The following IMMP2L variants were observed in gnomAD, a reference collection of about 807,000 sequenced individuals.
The protein encoded by IMMP2L is mitochondrial inner membrane protease subunit 2.
A neutral mutation model predicts 19.3 loss-of-function variants in IMMP2L; 18 were observed. The ratio of observed to expected loss-of-function variants is 0.93; its 90% CI spans 0.64 to 1.38. IMMP2L has a LOEUF of 1.38. Among genes scored for constraint, IMMP2L ranks in the 40% most tolerant of loss-of-function variants. IMMP2L has a pLI of 0.00. For synonymous variants in IMMP2L, 76 were observed against 73.0 expected, an observed-to-expected ratio of 1.04 and a Z score of -0.21; for missense variants, 233 against 218.2, an observed-to-expected ratio of 1.07 and a Z score of -0.43.
At chr7:111,531,338 T>C (rs1014980799) in intron 1 of IMMP2L, among the ~76,000 whole-genome samples, 1 of 151,980 alleles carries the variant, frequency 6.6e-6, no homozygotes, top group African/African-American at 2.4e-5. Context: ...TCCAGTATTT[T>C]TGGAAACCAT....
At chr7:110,705,586 A>G (rs1480750777) in intron 5 of IMMP2L, among the ~76,000 whole-genome samples, 2 of 152,002 alleles carry the variant, frequency 1.3e-5, no homozygotes, top group African/African-American at 4.8e-5. Context: ...AATAATTTCA[A>G]CTTTTATTTT....
intron 3 of IMMP2L, among the ~76,000 whole-genome samples, chr7:111,045,377 T>G (rs2129571710): frequency 6.6e-6 from 1 of 152,352 alleles, no homozygotes; most frequent in Admixed American, 6.5e-5. Flanking sequence ...ATCTGGATTC[T>G]TCCAAAAGCC....
chr7:111,131,148 G>GA (rs907512984), intron 3 of IMMP2L, among the ~76,000 whole-genome samples: 6 of 146,270 alleles, frequency 4.1e-5, no homozygotes, highest in Non-Finnish European at 6.0e-5. Context: ...TTTAAAAGTA[G>GA]AAAAAAAAAG....
intron 3 of IMMP2L, among the ~76,000 whole-genome samples, chr7:111,289,646 C>T (rs1043462129): frequency 3.3e-5 from 5 of 152,020 alleles, no homozygotes; most frequent in Non-Finnish European, 7.4e-5. Context: ...GAGATCCAAG[C>T]TATTTTGTAG....
At position 110,697,989 on chromosome 7, in the gene IMMP2L, A is replaced by G. The variant is rs188913325; in HGVS notation, c.409-34268T>C. Among the ~76,000 whole-genome samples the G allele has an allele frequency of 4.4e-3, 673 of 152,318 alleles. 4 individuals carry two copies. Among genetic ancestry groups the G allele is most frequent in the African/African-American group, 0.016 (649 of 41,574 alleles). On this transcript the variant is annotated intron_variant, in intron 5 of 5. Transcript: ENST00000405709. ...TTGCTAAAATACTATGGTTAAATATACATGTCACTAAATGCTAATATCTGT... is the reference window on the plus strand; with the variant it reads ...TTGCTAAAATACTATGGTTAAATATGCATGTCACTAAATGCTAATATCTGT...
intron 3 of IMMP2L, among the ~76,000 whole-genome samples, chr7:111,371,627 A>C (rs146465973): frequency 2.0e-5 from 3 of 152,190 alleles, no homozygotes; most frequent in East Asian, 3.9e-4. Flanking sequence ...ATCACCATAG[A>C]GACTGTATGT....
intron 5 of IMMP2L, among the ~76,000 whole-genome samples, chr7:110,801,607 T>G (rs1487250635): frequency 6.6e-6 from 1 of 152,036 alleles, no homozygotes; most frequent in Non-Finnish European, 1.5e-5. Context: ...AATTGATAGG[T>G]TTAAGAATGT....
chr7:111,176,037 T>C (rs1260241786), intron 3 of IMMP2L, among the ~76,000 whole-genome samples: 1 of 151,914 alleles, frequency 6.6e-6, no homozygotes, highest in Admixed American at 6.6e-5. Flanking sequence ...ACATCACTGA[T>C]CAACAGAGAA....
chr7:111,519,826 T>C (rs1846181437), intron 2 of IMMP2L, among the ~76,000 whole-genome samples: 1 of 152,048 alleles, frequency 6.6e-6, no homozygotes, highest in Non-Finnish European at 1.5e-5. Context: ...AAGTCCTTCT[T>C]AGAATAGTGA....
intron 1 of IMMP2L, among the ~76,000 whole-genome samples, chr7:111,560,509 T>C (rs1791914288): frequency 6.6e-6 from 1 of 152,170 alleles, no homozygotes; most frequent in Admixed American, 6.5e-5. Context: ...AGGAAACAAA[T>C]CATCAAGGTC....
At chr7:111,079,040 C>G (rs1017440455) in intron 3 of IMMP2L, among the ~76,000 whole-genome samples, 6 of 151,884 alleles carry the variant, frequency 4.0e-5, no homozygotes, top group Non-Finnish European at 8.8e-5. Context: ...TTTTAAAAGC[C>G]AACATTAATT....
intron 4 of IMMP2L, among the ~76,000 whole-genome samples, chr7:110,953,650 G>A (rs942055124): frequency 1.3e-5 from 2 of 152,206 alleles, no homozygotes; most frequent in Admixed American, 1.3e-4. Flanking sequence ...TGTCTTTACA[G>A]TAGAATGATC....
At chr7:111,532,179 C>A (rs1013478252) in intron 1 of IMMP2L, among the ~76,000 whole-genome samples, 3 of 152,042 alleles carry the variant, frequency 2.0e-5, no homozygotes, top group Non-Finnish European at 4.4e-5. Context: ...CACTAGAAAC[C>A]ATGTGACAGC....
At chr7:111,391,166 G>C (rs1447337583) in intron 3 of IMMP2L, among the ~76,000 whole-genome samples, 2 of 152,046 alleles carry the variant, frequency 1.3e-5, no homozygotes. Context: ...AAGGACTAAA[G>C]AATCTCTAGG....
Position 111,104,862 on chromosome 7 carries a change from A to G in IMMP2L, c.240-141297T>C, listed in dbSNP as rs575347708. Among the ~76,000 whole-genome samples the G allele has an allele frequency of 7.9e-5, 12 of 151,882 alleles. No individual in the cohort carries two copies. The South Asian group carries it at 2.5e-3, about 31-fold the overall frequency. ...AGAACGAGAGGGTCATGGCTTCTAGAACAGTGGGGAAGACAGAAAAAGAAA... is the reference window on the plus strand; with the variant it reads ...AGAACGAGAGGGTCATGGCTTCTAGGACAGTGGGGAAGACAGAAAAAGAAA... On this transcript the variant is annotated intron_variant, in intron 3 of 5. Coordinates refer to ENST00000405709, the MANE Select transcript of IMMP2L (RefSeq NM_032549.4).
intron 5 of IMMP2L, among the ~76,000 whole-genome samples, chr7:110,844,722 A>G (rs1805502620): frequency 6.6e-6 from 1 of 152,020 alleles, no homozygotes. Context: ...GTCCAGAAGG[A>G]GAGATGGTGA....
At chr7:111,041,999 A>G (rs1791943452) in intron 3 of IMMP2L, among the ~76,000 whole-genome samples, 1 of 152,214 alleles carries the variant, frequency 6.6e-6, no homozygotes, top group South Asian at 2.1e-4. Flanking sequence ...GGGCTTTTAT[A>G]AGGGTGAAAT....
intron 3 of IMMP2L, among the ~76,000 whole-genome samples, chr7:111,368,043 G>A (rs748065385): frequency 6.6e-6 from 1 of 150,926 alleles, no homozygotes. Context: ...CAAAAGGATA[G>A]AAAAACTTTT....
intron 2 of IMMP2L, among the ~76,000 whole-genome samples, chr7:111,495,565 T>C (rs1843517292): frequency 6.6e-6 from 1 of 152,176 alleles, no homozygotes; most frequent in African/African-American, 2.4e-5. Flanking sequence ...TCAGCTTGTG[T>C]CTAACCTCAA....
Sources: allele counts gnomAD v4.1 joint callset (sites outside exome capture counted in the v4.1 genomes callset), GRCh38; gene constraint gnomAD v4.1.1; transcripts MANE v1.5; gene names NCBI Gene and HGNC (gene_info 2026-07-23, HGNC 2026-07-21).